MMEL1: variants seen among roughly 807,000 people sequenced by gnomAD.
The protein encoded by MMEL1 is membrane metallo-endopeptidase-like 1.
A neutral mutation model predicts 117.1 loss-of-function variants in MMEL1; 98 were observed. The ratio of observed to expected loss-of-function variants is 0.84; its 90% CI spans 0.71 to 0.99. MMEL1 has a LOEUF of 0.99. Among genes scored for constraint, MMEL1 ranks in the 50% least tolerant of loss-of-function variants. The pLI is 0.00. For missense variants in MMEL1, 1,014 were observed against 1,049.1 expected (o/e 0.97, Z 0.46); for synonymous variants, 390 against 415.1 (o/e 0.94, Z 0.74).
rs540585161 is a variant in MMEL1, at chr1:2,595,921, C to T, written c.1500+88G>A. 17 of 1,168,390 alleles carry T rather than the reference C, an allele frequency of 1.5e-5. No homozygotes were observed. Among genetic ancestry groups the T allele is most frequent in the South Asian group, 1.3e-4 (10 of 76,816 alleles). 72.4% of individuals were successfully genotyped at this position (1,168,390 alleles called of 1,614,324 possible). On this transcript the variant is annotated intron_variant, in intron 15 of 23. Coordinates refer to ENST00000378412, the MANE Select transcript of MMEL1 (RefSeq NM_033467.4). This position sits in a 1 kb window ranked among gnomAD's most constrained non-coding sequence, Gnocchi z 4.8. Reference sequence around the variant, plus strand: ...GCGCCTCCCGGGGCTGCCTTCTCCCCGTGGGGACCGTCAGGAGGCTTTGTC... The same window carrying T: ...GCGCCTCCCGGGGCTGCCTTCTCCCTGTGGGGACCGTCAGGAGGCTTTGTC...
At chr1:2,616,512 C>T (rs1645203392) in intron 2 of MMEL1, among the ~76,000 whole-genome samples, 1 of 152,020 alleles carries the variant, frequency 6.6e-6, no homozygotes, top group South Asian at 2.1e-4. Flanking sequence ...TAATTCTATA[C>T]CCAGCAAAAA....
At chr1:2,605,096 CT>C (rs1327716441) in intron 9 of MMEL1, among the ~76,000 whole-genome samples, 1 of 152,166 alleles carries the variant, frequency 6.6e-6, no homozygotes, top group Non-Finnish European at 1.5e-5. Flanking sequence ...CTTCCCCACC[CT>C]TCCCTGCACC....
At chr1:2,616,148 A>T (rs148821262) in intron 2 of MMEL1, among the ~76,000 whole-genome samples, 1 of 152,222 alleles carries the variant, frequency 6.6e-6, no homozygotes, top group African/African-American at 2.4e-5. Flanking sequence ...CAGCCCGGGC[A>T]ACATGGAGAA....
Position 2,595,647 on chromosome 1 carries a change from G to A in MMEL1, c.1501-288C>T, listed in dbSNP as rs899945076. 2.0e-5 allele frequency among the ~76,000 whole-genome samples: 3 copies of A among 152,104 alleles called. No individual in the cohort carries two copies. The highest frequency in any genetic ancestry group is 2.1e-4 in the South Asian group (1 of 4,828). On this transcript the variant is annotated intron_variant, in intron 15 of 23. Coordinates refer to ENST00000378412, the MANE Select transcript of MMEL1 (RefSeq NM_033467.4). This position sits in a 1 kb window ranked among gnomAD's most constrained non-coding sequence, Gnocchi z 4.8. The stretch of plus-strand genomic sequence containing the variant: ...GGCAGGGGCCCTGGAGGGGTCACTC[G>A]GCTGCCGTCTGTCACTTGGGTCCAG...
At chr1:2,624,832 AG>A (rs1645344367) in intron 2 of MMEL1, among the ~76,000 whole-genome samples, 1 of 152,214 alleles carries the variant, frequency 6.6e-6, no homozygotes, top group African/African-American at 2.4e-5. Context: ...CCAGTTCCTC[AG>A]GCTGTACAGG....
chr1:2,606,217 G>T, intron 8 of MMEL1, 31 bp downstream of exon 8: 1 of 1,574,990 alleles, frequency 6.3e-7, no homozygotes, highest in Non-Finnish European at 8.7e-7. Flanking sequence ...TGGGGACCCT[G>T]CCTACCCCTG....
Position 2,595,424 on chromosome 1 carries a change from G to A in MMEL1, c.1501-65C>T. The A allele has an allele frequency of 7.1e-7, 1 of 1,406,850 alleles. No individual in the cohort carries two copies. Among genetic ancestry groups the A allele is most frequent in the Non-Finnish European group, 1.0e-6 (1 of 994,482 alleles). 87.1% of individuals were successfully genotyped at this position (1,406,850 alleles called of 1,614,324 possible). A position where few individuals can be genotyped will look rare whatever the true frequency, so the allele number is the denominator to read the frequency against. Reference sequence around the variant, plus strand: ...GCGGATGGAGTCAGCCCGGGGGCCGGTCAGTGAGTGCCACACTGTGGGAGG... The same window carrying A: ...GCGGATGGAGTCAGCCCGGGGGCCGATCAGTGAGTGCCACACTGTGGGAGG... On this transcript the variant is annotated intron_variant, in intron 15 of 23. Transcript: ENST00000378412. This position sits in a 1 kb window ranked among gnomAD's most constrained non-coding sequence, Gnocchi z 4.8.
At position 2,621,002 on chromosome 1, in the gene MMEL1, A is replaced by C. The variant is rs926553795; in HGVS notation, c.154+8329T>G. ...CCAGCATTCACCTTAAAACAGAGAC[A>C]TGCCAGGCGTGATGGCTCACACCTA... On this transcript the variant is annotated intron_variant, in intron 2 of 23. Transcript: ENST00000378412. Among the ~76,000 whole-genome samples the C allele has an allele frequency of 3.9e-5, 6 of 152,128 alleles. No homozygotes were observed. The South Asian group carries it at 1.0e-3, about 26-fold the overall frequency.
intron 7 of MMEL1, 51 bp from the exon 8 acceptor site, chr1:2,606,417 C>G: frequency 6.9e-7 from 1 of 1,439,092 alleles, no homozygotes; most frequent in Non-Finnish European, 9.6e-7. Flanking sequence ...GGGGCCCCAG[C>G]CCGGCCCCTT....
chr1:2,607,068 A>C lies in MMEL1; in HGVS notation c.537T>G (p.Ser179Arg), dbSNP rs900454219. ...RTLYRSCMNQ[S>R]VIEKRGSQPL... is the part of the protein sequence containing the mutation. ...GCTGAGAGCCTCGCTTCTCTATCAC[A>C]CCTGAGAAGGGACGCAGTGGTCACT... The change falls in exon 7 of 24, where the codon AGT becomes AGG. Residue 179 changes from serine to arginine, a missense_variant and splice_region_variant. Coordinates refer to ENST00000378412, the MANE Select transcript of MMEL1 (RefSeq NM_033467.4). The C allele has an allele frequency of 1.9e-6, 3 of 1,611,036 alleles. No homozygotes were observed. Among genetic ancestry groups the C allele is most frequent in the Non-Finnish European group, 2.5e-6 (3 of 1,178,510 alleles).
intron 13 of MMEL1, 116 bp from the exon 14 acceptor site, chr1:2,596,805 C>A: frequency 8.4e-7 from 1 of 1,191,608 alleles, no homozygotes; most frequent in South Asian, 1.4e-5. Context: ...CAGGGTGCCC[C>A]GGGGCTAGCG....
chr1:2,629,236 T>C, intron 2 of MMEL1, 95 bp downstream of exon 2: 1 of 1,347,738 alleles, frequency 7.4e-7, no homozygotes, highest in Non-Finnish European at 9.8e-7. Context: ...ACGGGCGGGC[T>C]CGGGCTGGGG....
intron 9 of MMEL1, among the ~76,000 whole-genome samples, chr1:2,605,007 C>G (rs1404529904): frequency 2.6e-5 from 4 of 152,208 alleles, no homozygotes; most frequent in Non-Finnish European, 5.9e-5. Context: ...GTGTCTGGCC[C>G]TCTGGGGCAT....
In MMEL1 at chr1:2,604,271, G is replaced by C; in HGVS notation, c.827C>G (p.Ala276Gly). ...CACTGACACCATGAACTGCAGGTAG[G>C]CTTCCCGCACCTGGGCCAAAGGACG... is the stretch of plus-strand genomic sequence containing the variant. Reference protein sequence around the residue: ...NGGSNRKVREAYLQFMVSVAT... With the variant: ...NGGSNRKVREGYLQFMVSVAT... The change falls in exon 10 of 24, where the codon GCC becomes GGC. Residue 276 changes from alanine to glycine, a missense_variant. Ala to Gly is a moderately conservative substitution (Grantham distance 60). Transcript: ENST00000378412. 2 of 1,612,752 alleles carry C rather than the reference G, an allele frequency of 1.2e-6. No individual in the cohort carries two copies. The highest frequency in any genetic ancestry group is 1.7e-6 in the Non-Finnish European group (2 of 1,179,942).
chr1:2,606,412 C>CCA, intron 7 of MMEL1, 46 bp from the exon 8 acceptor site: 1 of 1,461,474 alleles, frequency 6.8e-7, no homozygotes. Flanking sequence ...GCCCTGGGGC[C>CCA]CCAGCCCGGC....
chr1:2,603,732 T>G, intron 11 of MMEL1, 152 bp downstream of exon 11: 1 of 652,600 alleles, frequency 1.5e-6, no homozygotes, highest in Non-Finnish European at 2.6e-6. Context: ...TGCAGCAAGT[T>G]TGGGTGATCA....
intron 19 of MMEL1, among the ~76,000 whole-genome samples, chr1:2,593,518 C>T (rs778569036): frequency 3.8e-4 from 58 of 152,290 alleles, no homozygotes; most frequent in Non-Finnish European, 6.6e-4. Flanking sequence ...CTGTATTGGG[C>T]AGTGTTGTCG....
Position 2,609,836 on chromosome 1 carries a change from T to C in MMEL1, c.293-5A>G. 1 of 1,601,332 alleles carries C rather than the reference T, an allele frequency of 6.2e-7. No homozygotes were observed. Among genetic ancestry groups the C allele is most frequent in the African/African-American group, 1.3e-5 (1 of 74,892 alleles). On this transcript the variant is annotated splice_region_variant and splice_polypyrimidine_tract_variant and intron_variant, in intron 4 of 23. Coordinates refer to ENST00000378412, the MANE Select transcript of MMEL1 (RefSeq NM_033467.4). ...TGTTCTGGAGGATCCTGGCAGCTGC[T>C]CGTCCCCATGGCGTGGAGCAGGGAG...
rs543094137 is a variant in MMEL1 at position 2,596,392 on chromosome 1, G to A, written c.1401+169C>T. The stretch of plus-strand genomic sequence containing the variant: ...GGGCTCAGGCTGGGGCCCAGTGGCC[G>A]GCTGGGGTCAGGGGCATGGGGTGGG... On this transcript the variant is annotated intron_variant, in intron 14 of 23. Transcript: ENST00000378412. 6.7e-4 allele frequency among the ~76,000 whole-genome samples: 102 copies of A among 152,290 alleles called. 1 individual carries two copies. Among genetic ancestry groups the A allele is most frequent in the Admixed American group, 2.0e-3 (31 of 15,312 alleles).
Sources: allele counts gnomAD v4.1 joint callset (sites outside exome capture counted in the v4.1 genomes callset), GRCh38; gene constraint gnomAD v4.1.1; non-coding constraint Gnocchi (gnomAD v3.1); transcripts MANE v1.5; gene names NCBI Gene and HGNC (gene_info 2026-07-23, HGNC 2026-07-21).